Variants in ELMO1 observed in about 807,000 individuals in gnomAD.
The protein encoded by ELMO1 is engulfment and cell motility 1.
Under a neutral mutation model 98.9 loss-of-function variants are expected in ELMO1, and 26 were observed. The observed-to-expected ratio is 0.26, with a 90% confidence interval of 0.19 to 0.36. ELMO1 has a LOEUF of 0.36. Ranked by LOEUF, ELMO1 falls within the 10% of genes least tolerant of loss-of-function variation. The probability of loss-of-function intolerance (pLI) is 1.00; values close to 1 mark genes in which losing one functional copy is unlikely to be tolerated. For missense variants in ELMO1, 627 were observed against 935.2 expected (o/e 0.67, Z 4.30); for synonymous variants, 346 against 346.0 (o/e 1.00, Z 0.00).
At chr7:37,125,398 G>A (rs1584686231) in intron 14 of ELMO1, among the ~76,000 whole-genome samples, 2 of 152,102 alleles carry the variant, frequency 1.3e-5, no homozygotes, top group African/African-American at 4.8e-5. Flanking sequence ...CTGACAAAGG[G>A]CTAATATCCA....
intron 1 of ELMO1, among the ~76,000 whole-genome samples, chr7:37,395,627 A>G (rs1454745422): frequency 6.6e-6 from 1 of 151,988 alleles, no homozygotes; most frequent in African/African-American, 2.4e-5. Flanking sequence ...TAGGAACTGT[A>G]CATTTACATG....
intron 16 of ELMO1, among the ~76,000 whole-genome samples, chr7:37,005,107 CAAAAAAA>C (rs35665315): frequency 4.4e-4 from 17 of 38,284 alleles, no homozygotes; most frequent in South Asian, 1.6e-3. Flanking sequence ...GGCTCTGTCT[CAAAAAAA>C]AAAAAAAAAA....
At chr7:36,954,889 T>C (rs888056963) in intron 16 of ELMO1, among the ~76,000 whole-genome samples, 1 of 152,238 alleles carries the variant, frequency 6.6e-6, no homozygotes, top group Non-Finnish European at 1.5e-5. Context: ...CAATATTTGA[T>C]GTTTTTACAA....
At chr7:36,976,006 G>T (rs543436494) in intron 16 of ELMO1, among the ~76,000 whole-genome samples, 1 of 152,068 alleles carries the variant, frequency 6.6e-6, no homozygotes, top group African/African-American at 2.4e-5. Flanking sequence ...CTTGAATAGG[G>T]GTCAATAGGA....
chr7:37,424,261 C>T (rs543227872), intron 1 of ELMO1, among the ~76,000 whole-genome samples: 3 of 152,204 alleles, frequency 2.0e-5, no homozygotes, highest in East Asian at 1.9e-4. Flanking sequence ...TGGGCAGCTC[C>T]GAATCTCCAG....
intron 13 of ELMO1, among the ~76,000 whole-genome samples, chr7:37,207,269 G>A (rs193175016): frequency 2.6e-5 from 4 of 152,272 alleles, no homozygotes; most frequent in South Asian, 2.1e-4. Context: ...GCATTATCCC[G>A]GCAGGGCACG....
intron 13 of ELMO1, among the ~76,000 whole-genome samples, chr7:37,159,938 A>G (rs1789089838): frequency 6.6e-6 from 1 of 152,152 alleles, no homozygotes. Flanking sequence ...TTTTTCCCTT[A>G]TGGCCAAAAT....
intron 16 of ELMO1, among the ~76,000 whole-genome samples, chr7:36,926,746 A>G (rs966061025): frequency 6.6e-6 from 1 of 152,182 alleles, no homozygotes; most frequent in African/African-American, 2.4e-5. Flanking sequence ...TGATGTTTCC[A>G]TTTAGTAACT....
chr7:37,249,435 T>C (rs768442464), intron 6 of ELMO1, among the ~76,000 whole-genome samples: 17 of 152,200 alleles, frequency 1.1e-4, no homozygotes, highest in Admixed American at 5.9e-4. Flanking sequence ...CTAAAATAAC[T>C]ATGGGACTCC....
chr7:37,000,123 G>A (rs565685604), intron 16 of ELMO1, among the ~76,000 whole-genome samples: 1 of 152,152 alleles, frequency 6.6e-6, no homozygotes, highest in Non-Finnish European at 1.5e-5. Flanking sequence ...TCAAACACAC[G>A]TTGGGGCAAA....
At chr7:37,024,873 C>T (rs777736183) in intron 15 of ELMO1, among the ~76,000 whole-genome samples, 9 of 151,984 alleles carry the variant, frequency 5.9e-5, no homozygotes, top group Admixed American at 2.0e-4. Context: ...CTTAGCTTCG[C>T]GTTAGAAAGG....
intron 1 of ELMO1, among the ~76,000 whole-genome samples, chr7:37,447,639 C>T (rs78223078): frequency 1.5e-5 from 2 of 131,290 alleles, no homozygotes; most frequent in Non-Finnish European, 3.2e-5. Context: ...ACCCACAACA[C>T]CCCCCCCACA....
intron 3 of ELMO1, among the ~76,000 whole-genome samples, 164 bp from the exon 4 acceptor site, chr7:37,315,086 C>T (rs549310999): frequency 6.6e-6 from 1 of 152,320 alleles, no homozygotes; most frequent in South Asian, 2.1e-4. Context: ...AGCCTACCTT[C>T]CATTACCCTG....
At chr7:37,337,100 C>G (rs1039210397) in intron 2 of ELMO1, among the ~76,000 whole-genome samples, 22 of 152,090 alleles carry the variant, frequency 1.4e-4, no homozygotes, top group Non-Finnish European at 2.9e-4. Flanking sequence ...CACATGCACA[C>G]GTATGTTTAT....
intron 16 of ELMO1, among the ~76,000 whole-genome samples, chr7:36,918,170 T>C (rs763675120): frequency 1.3e-5 from 2 of 152,086 alleles, no homozygotes; most frequent in Admixed American, 6.6e-5. Context: ...TGCATGGCCT[T>C]AGGGTGACAA....
intron 1 of ELMO1, among the ~76,000 whole-genome samples, chr7:37,414,757 CA>C (rs1428472225): frequency 1.3e-5 from 2 of 152,206 alleles, no homozygotes; most frequent in African/African-American, 4.8e-5. Context: ...TTCTTACCAT[CA>C]AAGTCATTCT....
chr7:36,913,836 A>C (rs185134746), intron 16 of ELMO1, among the ~76,000 whole-genome samples: 1 of 152,346 alleles, frequency 6.6e-6, no homozygotes, highest in Admixed American at 6.5e-5. Context: ...AGAATCCTCC[A>C]ATCATACAGC....
At chr7:37,192,184 TA>T (rs1388449646) in intron 13 of ELMO1, among the ~76,000 whole-genome samples, 1 of 152,000 alleles carries the variant, frequency 6.6e-6, no homozygotes, top group Admixed American at 6.6e-5. Flanking sequence ...TTAGCAGAAA[TA>T]AATACTGGTA....
chr7:37,211,605 G>A, intron 12 of ELMO1, 88 bp from the exon 13 acceptor site: 2 of 1,504,202 alleles, frequency 1.3e-6, no homozygotes, highest in Non-Finnish European at 8.9e-7. Flanking sequence ...TTTCCCTGGG[G>A]TCTAAATGAA....
Sources: gnomAD v4.1 joint callset for allele counts (sites outside exome capture counted in the v4.1 genomes callset) on GRCh38, gnomAD v4.1.1 for gene constraint, MANE v1.5 for transcripts, NCBI Gene and HGNC (gene_info 2026-07-23, HGNC 2026-07-21) for gene names.